Variants in ZNRF2 observed in about 807,000 individuals in gnomAD.
ZNRF2 encodes the protein E3 ubiquitin-protein ligase ZNRF2.
ZNRF2 carries 16 observed loss-of-function variants against 20.4 expected under a neutral mutation model. That is an observed-to-expected ratio of 0.79 (90% CI 0.53 to 1.19). The LOEUF (loss-of-function observed/expected upper bound fraction) is 1.19, where lower values mean the gene tolerates loss of function less well. Ranked by LOEUF, ZNRF2 falls within the 50% of genes most tolerant of loss-of-function variation. ZNRF2 has a pLI of 0.00. For synonymous variants in ZNRF2, 178 were observed against 144.9 expected (o/e 1.23, Z -1.64); for missense variants, 363 against 332.4 (o/e 1.09, Z -0.72).
rs1158043307 is a variant in ZNRF2, at chr7:30,285,223, C to G, written c.-135C>G. 4.1e-5 allele frequency: 27 copies of G among 654,102 alleles called. No individual in the cohort carries two copies. The highest frequency in any genetic ancestry group is 5.6e-5 in the Non-Finnish European group (27 of 479,016). 40.5% of individuals were successfully genotyped at this position (654,102 alleles called of 1,614,324 possible). ...GCCGACTGCCCCTCTGGACGCCGGG[C>G]GGCGGCCCTGGACGTGCGGGGGCCT... On this transcript the variant is annotated 5_prime_UTR_variant, in exon 1 of 5. Transcript: ENST00000323037.
At chr7:30,344,088 A>G (rs1044212212) in intron 2 of ZNRF2, among the ~76,000 whole-genome samples, 8 of 151,038 alleles carry the variant, frequency 5.3e-5, no homozygotes, top group African/African-American at 1.9e-4. Flanking sequence ...CACCCAGCTA[A>G]TTTTTGTATT....
intron 1 of ZNRF2, among the ~76,000 whole-genome samples, chr7:30,298,236 A>G (rs79370940): frequency 0.012 from 1,751 of 152,028 alleles, 33 homozygotes; most frequent in African/African-American, 0.039. Context: ...TTGTGTATAT[A>G]TGTATGTGTA....
intron 1 of ZNRF2, among the ~76,000 whole-genome samples, chr7:30,300,051 A>T (rs1241030334): frequency 2.7e-5 from 4 of 145,904 alleles, no homozygotes; most frequent in African/African-American, 7.6e-5. Flanking sequence ...CCCAAAGTGC[A>T]GGGATTACAG....
At chr7:30,331,516 G>A (rs1799634552) in intron 2 of ZNRF2, among the ~76,000 whole-genome samples, 1 of 152,150 alleles carries the variant, frequency 6.6e-6, no homozygotes, top group South Asian at 2.1e-4. Context: ...ATTACACAGA[G>A]TGTAACAGAG....
intron 2 of ZNRF2, among the ~76,000 whole-genome samples, chr7:30,333,307 GCCTC>G (rs200388998): frequency 0.018 from 2,704 of 148,844 alleles, 84 homozygotes; most frequent in African/African-American, 0.063. Flanking sequence ...GCCCACCATG[GCCTC>G]CCAAAAGGCT....
Position 30,366,151 on chromosome 7 carries a change from T to TA in ZNRF2, c.*140dup, listed in dbSNP as rs1257113280. On this transcript the variant is annotated 3_prime_UTR_variant, in exon 5 of 5. Coordinates refer to ENST00000323037, the MANE Select transcript of ZNRF2 (RefSeq NM_147128.4). The stretch of plus-strand genomic sequence containing the variant: ...ATCTGAGTTTTGTGAGACTTGGTAA[T>TA]ACAGAGATGGACAATCGTACTGGGG... The TA allele has an allele frequency of 6.6e-6, 1 of 152,538 alleles. No individual in the cohort carries two copies. The highest frequency in any genetic ancestry group is 2.4e-5 in the African/African-American group (1 of 41,420). 9.4% of individuals were successfully genotyped at this position (152,538 alleles called of 1,614,324 possible).
At chr7:30,332,283 CTAAGT>C (rs1333523694) in intron 2 of ZNRF2, among the ~76,000 whole-genome samples, 2 of 152,124 alleles carry the variant, frequency 1.3e-5, no homozygotes, top group East Asian at 3.9e-4. Context: ...GTAATGAGTG[CTAAGT>C]TAACAAGACC....
At chr7:30,352,419 T>C (rs1799973771) in intron 2 of ZNRF2, among the ~76,000 whole-genome samples, 1 of 152,042 alleles carries the variant, frequency 6.6e-6, no homozygotes. Context: ...ATTGCTCTTT[T>C]CCAGTCTTTT....
intron 3 of ZNRF2, among the ~76,000 whole-genome samples, chr7:30,357,296 TAC>T (rs1275184022): frequency 4.6e-5 from 7 of 152,208 alleles, no homozygotes; most frequent in African/African-American, 1.7e-4. Flanking sequence ...AAAGAATTGG[TAC>T]CATATAGGAT....
intron 2 of ZNRF2, among the ~76,000 whole-genome samples, chr7:30,337,432 A>G (rs947149798): frequency 6.6e-6 from 1 of 152,112 alleles, no homozygotes; most frequent in Non-Finnish European, 1.5e-5. Flanking sequence ...TAGCCAGAAT[A>G]TTAGCATTTT....
At chr7:30,315,739 G>GC (rs1368031178) in intron 1 of ZNRF2, among the ~76,000 whole-genome samples, 5 of 88,668 alleles carry the variant, frequency 5.6e-5, no homozygotes, top group South Asian at 1.2e-3. Context: ...GGGGGGGGGG[G>GC]GTTGGGTATA....
chr7:30,302,059 C>T (rs1799126009), intron 1 of ZNRF2, among the ~76,000 whole-genome samples: 1 of 152,218 alleles, frequency 6.6e-6, no homozygotes, highest in Admixed American at 6.5e-5. Flanking sequence ...TCACAGAAAA[C>T]TGAAGTCTGT....
At chr7:30,317,783 T>G (rs1228865200) in intron 1 of ZNRF2, among the ~76,000 whole-genome samples, 4 of 152,212 alleles carry the variant, frequency 2.6e-5, no homozygotes, top group Non-Finnish European at 5.9e-5. Context: ...AGTGAGCAGT[T>G]TAAACAGAGA....
At chr7:30,296,354 T>C (rs1799020271) in intron 1 of ZNRF2, among the ~76,000 whole-genome samples, 1 of 152,228 alleles carries the variant, frequency 6.6e-6, no homozygotes, top group Admixed American at 6.5e-5. Flanking sequence ...GTGTTATCAA[T>C]GTGAGCGTGT....
In ZNRF2 at chr7:30,285,331, G is replaced by C; in HGVS notation, c.-27G>C. On this transcript the variant is annotated 5_prime_UTR_variant, in exon 1 of 5. Coordinates refer to ENST00000323037, the MANE Select transcript of ZNRF2 (RefSeq NM_147128.4). ...CCTCCCGGCTCTCGGGGCGCAGCGC[G>C]CGGGCCCGGCCCGGGGCAGGGCGGA... 1 of 1,085,856 alleles carries C rather than the reference G, an allele frequency of 9.2e-7. No homozygotes were observed. The allele number at this position is 1,085,856 out of a possible 1,614,324, so 67.3% of individuals were successfully genotyped here. A position where few individuals can be genotyped will look rare whatever the true frequency, so the allele number is the denominator to read the frequency against.
intron 2 of ZNRF2, among the ~76,000 whole-genome samples, chr7:30,338,347 T>A (rs1178891213): frequency 1.3e-5 from 2 of 151,886 alleles, no homozygotes; most frequent in African/African-American, 2.4e-5. Context: ...TAGGTATACA[T>A]GTGCCATGAT....
intron 2 of ZNRF2, among the ~76,000 whole-genome samples, chr7:30,337,617 C>T (rs968169093): frequency 3.9e-5 from 6 of 152,018 alleles, no homozygotes; most frequent in South Asian, 4.1e-4. Flanking sequence ...CAGGGCTATT[C>T]GTTCGTACAA....
intron 1 of ZNRF2, 38 bp downstream of exon 1, chr7:30,285,864 C>T (rs1266295919): frequency 4.2e-6 from 6 of 1,423,542 alleles, no homozygotes; most frequent in Non-Finnish European, 4.6e-6. Context: ...CTCGGTCCTC[C>T]CGCGGCTGCA....
chr7:30,319,046 A>G (rs1045457478), intron 1 of ZNRF2, among the ~76,000 whole-genome samples: 1 of 151,398 alleles, frequency 6.6e-6, no homozygotes, highest in Admixed American at 6.6e-5. Context: ...CAGGGGGTGG[A>G]GGTTGCAGTG....
Sources: gnomAD v4.1 joint callset for allele counts (sites outside exome capture counted in the v4.1 genomes callset) on GRCh38, gnomAD v4.1.1 for gene constraint, MANE v1.5 for transcripts, NCBI Gene and HGNC (gene_info 2026-07-23, HGNC 2026-07-21) for gene names.